The following RSF1 variants were observed in gnomAD, a reference collection of about 807,000 sequenced individuals.
RSF1 encodes the protein remodeling and spacing factor 1.
In RSF1, 13 loss-of-function variants were observed where a neutral mutation model predicts 145.2. The observed-to-expected ratio is 0.09, with a 90% CI of 0.06 to 0.14. The LOEUF is 0.14. Among genes scored for constraint, RSF1 ranks in the 10% least tolerant of loss-of-function variants. RSF1 has a pLI of 1.00. For missense variants in RSF1, 1,517 were observed against 1,718.2 expected (o/e 0.88, Z 2.07); for synonymous variants, 577 against 592.6 (o/e 0.97, Z 0.38).
Position 77,701,876 on chromosome 11 carries a change from T to C in RSF1, c.1353A>G (p.Val451=). ...TTGGTTCTGTCTTAAAATTTGGAGC[T>C]ACCCTTTCATCACTAACTTCTCCAT... ...LVNGEVSDER[V]APNFKTEPIE... The change falls in exon 6 of 16, where the codon GTA becomes GTG. Residue 451 remains valine (V), a synonymous_variant. Coordinates refer to ENST00000308488, the MANE Select transcript of RSF1 (RefSeq NM_016578.4). The C allele has an allele frequency of 6.2e-7, 1 of 1,614,072 alleles. No homozygotes were observed. The highest frequency in any genetic ancestry group is 1.1e-5 in the South Asian group (1 of 91,070).
At chr11:77,678,802 G>A (rs1239406116) in intron 11 of RSF1, among the ~76,000 whole-genome samples, 7 of 151,996 alleles carry the variant, frequency 4.6e-5, no homozygotes, top group Middle Eastern at 3.2e-3. Flanking sequence ...CATCCCTTCC[G>A]TGATTAAGAA....
the RSF1 span, among the ~76,000 whole-genome samples, chr11:77,850,087 T>C: frequency 6.6e-6 from 1 of 152,242 alleles, no homozygotes; most frequent in Non-Finnish European, 1.5e-5. Context: ...ATTTTCATTA[T>C]AAATGTCATT....
intron 1 of RSF1, among the ~76,000 whole-genome samples, chr11:77,816,741 C>T (rs1948785517): frequency 6.6e-6 from 1 of 152,166 alleles, no homozygotes; most frequent in Non-Finnish European, 1.5e-5. Flanking sequence ...ACAAAGTCAA[C>T]GTCAACTTTA....
At chr11:77,852,882 T>A in the RSF1 span, among the ~76,000 whole-genome samples, 1 of 152,326 alleles carries the variant, frequency 6.6e-6, no homozygotes, top group East Asian at 1.9e-4. Context: ...CTTTTTCTTT[T>A]TTACCACTGT....
the RSF1 span, chr11:77,842,470 T>A: frequency 6.2e-7 from 1 of 1,608,390 alleles, no homozygotes; most frequent in South Asian, 1.1e-5. Flanking sequence ...ATTTTTCTTT[T>A]AATTTCAGAC....
At chr11:77,731,392 T>C (rs772788875) in intron 4 of RSF1, among the ~76,000 whole-genome samples, 69 of 152,314 alleles carry the variant, frequency 4.5e-4, no homozygotes, top group Non-Finnish European at 7.8e-4. Flanking sequence ...AAGCAGAGTA[T>C]AAAAGTTTAG....
At chr11:77,670,759 C>CT (rs1409426133) in intron 15 of RSF1, among the ~76,000 whole-genome samples, 2 of 151,834 alleles carry the variant, frequency 1.3e-5, no homozygotes, top group African/African-American at 4.8e-5. Context: ...TCTCTTTTGT[C>CT]TTGGGCTCAA....
chr11:77,672,031 C>T lies in RSF1; in HGVS notation c.3751+11G>A, dbSNP rs773071387. The T allele has an allele frequency of 6.2e-7, 1 of 1,605,142 alleles. No homozygotes were observed. The highest frequency in any genetic ancestry group is 1.1e-5 in the South Asian group (1 of 88,766). On this transcript the variant is annotated intron_variant, in intron 15 of 15. Coordinates refer to ENST00000308488, the MANE Select transcript of RSF1 (RefSeq NM_016578.4). The stretch of plus-strand genomic sequence containing the variant: ...GTCCAAACTTCTATATATAGGAGAC[C>T]TATGCCTTACCTTCACTCTCTGAGC...
At chr11:77,811,198 G>A (rs1231537060) in intron 1 of RSF1, among the ~76,000 whole-genome samples, 3 of 152,182 alleles carry the variant, frequency 2.0e-5, no homozygotes, top group Non-Finnish European at 4.4e-5. Context: ...CAAAGATAGA[G>A]AGGACAGGCT....
At chr11:77,675,010 A>G (rs1183850058) in intron 14 of RSF1, 26 bp downstream of exon 14, 1 of 1,380,092 alleles carries the variant, frequency 7.2e-7, no homozygotes, top group Non-Finnish European at 1.0e-6. Flanking sequence ...TTATTGAGCT[A>G]CCATATGGTT....
chr11:77,854,482 C>A, the RSF1 span, among the ~76,000 whole-genome samples: 4 of 152,172 alleles, frequency 2.6e-5, no homozygotes, highest in Non-Finnish European at 4.4e-5. Flanking sequence ...TTATCCAAAA[C>A]AAAGAAGCTA....
At chr11:77,682,218 A>G (rs1031456481) in intron 11 of RSF1, among the ~76,000 whole-genome samples, 1 of 152,182 alleles carries the variant, frequency 6.6e-6, no homozygotes, top group Non-Finnish European at 1.5e-5. Context: ...TGATTCTACC[A>G]TATTTTTATA....
intron 1 of RSF1, among the ~76,000 whole-genome samples, chr11:77,808,527 CT>C (rs745630976): frequency 1.7e-5 from 1 of 59,998 alleles, no homozygotes; most frequent in African/African-American, 8.4e-5. Context: ...AATATTATAC[CT>C]TTTTTTTTTT....
chr11:77,684,733 A>G (rs1344862912), intron 10 of RSF1, among the ~76,000 whole-genome samples: 1 of 152,164 alleles, frequency 6.6e-6, no homozygotes, highest in African/African-American at 2.4e-5. Context: ...CACACCTATA[A>G]TCCCAGCACT....
intron 1 of RSF1, among the ~76,000 whole-genome samples, chr11:77,792,494 C>G (rs1408143495): frequency 6.6e-6 from 1 of 152,170 alleles, no homozygotes; most frequent in Non-Finnish European, 1.5e-5. Flanking sequence ...GACAGGTATG[C>G]TCAGCCCATA....
chr11:77,774,482 G>C (rs1039049107), intron 1 of RSF1, among the ~76,000 whole-genome samples: 1 of 151,816 alleles, frequency 6.6e-6, no homozygotes, highest in Admixed American at 6.6e-5. Context: ...TGAGGCAGGA[G>C]AATCACTTGA....
upstream of RSF1, chr11:77,820,733 G>C: frequency 3.9e-6 from 6 of 1,539,702 alleles, no homozygotes; most frequent in African/African-American, 1.4e-5. Context: ...GGAGGATGGA[G>C]GAGGAGGCGA....
chr11:77,704,187 G>A (rs67555375), intron 5 of RSF1, among the ~76,000 whole-genome samples: 27,519 of 151,948 alleles, frequency 0.18, 3,167 homozygotes, highest in African/African-American at 0.31. Flanking sequence ...TCCAGCTACT[G>A]GGTAGGCTGA....
chr11:77,792,547 C>T (rs527296045), intron 1 of RSF1, among the ~76,000 whole-genome samples: 3 of 152,166 alleles, frequency 2.0e-5, no homozygotes, highest in Admixed American at 2.0e-4. Flanking sequence ...GCTAGCAACC[C>T]AGTCCCCAGG....
Sources: gnomAD v4.1 joint callset for allele counts (sites outside exome capture counted in the v4.1 genomes callset) on GRCh38, gnomAD v4.1.1 for gene constraint, MANE v1.5 for transcripts, NCBI Gene and HGNC (gene_info 2026-07-23, HGNC 2026-07-21) for gene names.